The following ZNF146 variants were observed in gnomAD, a reference collection of about 807,000 sequenced individuals.
The protein encoded by ZNF146 is zinc finger protein 146, also known as zinc finger protein OZF.
A neutral mutation model predicts 22.2 loss-of-function variants in ZNF146; 9 were observed. The ratio of observed to expected loss-of-function variants is 0.41; its 90% CI spans 0.24 to 0.71. ZNF146 has a LOEUF of 0.71. ZNF146 is among the 30% of genes least tolerant of loss of function. The pLI, the probability that ZNF146 is intolerant of heterozygous loss-of-function variation, is 0.34. For synonymous variants in ZNF146, 108 were observed against 119.2 expected (o/e 0.91, Z 0.61); for missense variants, 194 against 344.8 (o/e 0.56, Z 3.46).
chr19:36,221,787 T>C (rs1427926803), intron 2 of ZNF146, among the ~76,000 whole-genome samples: 5 of 152,106 alleles, frequency 3.3e-5, no homozygotes, highest in African/African-American at 4.8e-5. Flanking sequence ...TTTTGTTTTT[T>C]GTTCTGTCAC....
At chr19:36,225,984 G>T (rs868669453) in intron 2 of ZNF146, among the ~76,000 whole-genome samples, 13 of 151,838 alleles carry the variant, frequency 8.6e-5, no homozygotes, top group African/African-American at 3.1e-4. Context: ...GCCTAGGCTG[G>T]TCTTGAACTT....
At chr19:36,217,305 G>A (rs187121109) in intron 1 of ZNF146, among the ~76,000 whole-genome samples, 30 of 151,364 alleles carry the variant, frequency 2.0e-4, no homozygotes, top group African/African-American at 6.8e-4. Context: ...TCAAGTGATC[G>A]GCCCGCCTCG....
At chr19:36,226,396 TG>T (rs970722430) in intron 2 of ZNF146, among the ~76,000 whole-genome samples, 1 of 152,160 alleles carries the variant, frequency 6.6e-6, no homozygotes, top group African/African-American at 2.4e-5. Context: ...ACATAGTGGA[TG>T]GGGGGTATAT....
intron 3 of ZNF146, among the ~76,000 whole-genome samples, chr19:36,231,160 C>G (rs1365427923): frequency 6.6e-6 from 1 of 152,044 alleles, no homozygotes; most frequent in African/African-American, 2.4e-5. Flanking sequence ...GCCAGGAGTT[C>G]GAGACCAGCC....
chr19:36,232,542 T>C (rs1977427244), intron 3 of ZNF146, among the ~76,000 whole-genome samples: 1 of 152,074 alleles, frequency 6.6e-6, no homozygotes, highest in South Asian at 2.1e-4. Flanking sequence ...TGAGAACGCA[T>C]GAGTTGCTGT....
intron 1 of ZNF146, among the ~76,000 whole-genome samples, chr19:36,215,829 G>A (rs1234109063): frequency 6.6e-6 from 1 of 152,256 alleles, no homozygotes; most frequent in African/African-American, 2.4e-5. Flanking sequence ...ACGGCGCCCA[G>A]GATGAGGGAG....
At chr19:36,222,738 A>G (rs1421357367) in intron 2 of ZNF146, among the ~76,000 whole-genome samples, 2 of 141,354 alleles carry the variant, frequency 1.4e-5, no homozygotes, top group African/African-American at 5.2e-5. Context: ...GGAGCTGTTT[A>G]TAAATTAGAA....
At chr19:36,228,992 T>A (rs1977200911) in intron 3 of ZNF146, among the ~76,000 whole-genome samples, 173 bp downstream of exon 3, 1 of 152,200 alleles carries the variant, frequency 6.6e-6, no homozygotes, top group Non-Finnish European at 1.5e-5. Flanking sequence ...ATTATTCTTC[T>A]TCTTTCACCA....
chr19:36,232,539 G>A (rs759498499), intron 3 of ZNF146, among the ~76,000 whole-genome samples: 2 of 151,648 alleles, frequency 1.3e-5, no homozygotes, highest in Non-Finnish European at 2.9e-5. Context: ...GTTTGAGAAC[G>A]CATGAGTTGC....
chr19:36,225,759 T>TC, intron 2 of ZNF146, among the ~76,000 whole-genome samples: 1 of 142,458 alleles, frequency 7.0e-6, no homozygotes, highest in African/African-American at 2.6e-5. Context: ...ATTCTTTTTT[T>TC]TTTTTTTTTT....
chr19:36,225,627 A>AT (rs924093366), intron 2 of ZNF146, among the ~76,000 whole-genome samples: 33 of 137,960 alleles, frequency 2.4e-4, no homozygotes, highest in African/African-American at 6.0e-4. Context: ...GTTTTTTTGT[A>AT]TTTTTTTTTA....
chr19:36,223,207 A>G (rs1976927245), intron 2 of ZNF146, among the ~76,000 whole-genome samples: 1 of 151,910 alleles, frequency 6.6e-6, no homozygotes, highest in Admixed American at 6.6e-5. Context: ...ACTTGAGGTC[A>G]GGAGTTTGAG....
At chr19:36,215,102 C>T (rs1375300766), upstream of ZNF146, 3 of 152,390 alleles carry the variant, frequency 2.0e-5, no homozygotes, top group South Asian at 2.1e-4. Flanking sequence ...CTTCCTCGCT[C>T]TCCGAGTGCG....
intron 2 of ZNF146, among the ~76,000 whole-genome samples, chr19:36,218,632 ATTTT>A (rs1976712276): frequency 6.6e-6 from 1 of 151,198 alleles, no homozygotes; most frequent in African/African-American, 2.4e-5. Context: ...CGCCTGGCTA[ATTTT>A]GTTTTTGTAT....
intron 3 of ZNF146, among the ~76,000 whole-genome samples, chr19:36,230,692 G>C (rs1685764312): frequency 6.6e-6 from 1 of 152,126 alleles, no homozygotes; most frequent in Non-Finnish European, 1.5e-5. Flanking sequence ...GGAAGAGAGA[G>C]GGCAAAAGGG....
intron 3 of ZNF146, among the ~76,000 whole-genome samples, chr19:36,235,076 G>T (rs1041849629): frequency 6.6e-6 from 1 of 151,726 alleles, no homozygotes; most frequent in African/African-American, 2.4e-5. Context: ...AGGTATGGTG[G>T]TGCACACCTG....
At position 36,238,359 on chromosome 19, in the gene ZNF146, T is replaced by C. The variant is rs1046071204; in HGVS notation, c.*1040T>C. The C allele has an allele frequency of 1.2e-5, 2 of 167,106 alleles. No homozygotes were observed. The highest frequency in any genetic ancestry group is 2.4e-5 in the African/African-American group (1 of 41,458). The allele number at this position is 167,106 out of a possible 1,614,324, so 10.4% of individuals were successfully genotyped here. ...GATTGGAAGGATACAGACCAAACTC[T>C]TGATAGTGGTCACCTGTGAAGAGTG... On this transcript the variant is annotated 3_prime_UTR_variant, in exon 4 of 4. Transcript: ENST00000443387.
chr19:36,229,236 C>T (rs568516482), intron 3 of ZNF146, among the ~76,000 whole-genome samples: 2 of 152,306 alleles, frequency 1.3e-5, no homozygotes, highest in African/African-American at 4.8e-5. Context: ...TTATATTTTA[C>T]ACCTGTTCTC....
chr19:36,219,452 G>A (rs1599958038), intron 2 of ZNF146, among the ~76,000 whole-genome samples: 1 of 152,126 alleles, frequency 6.6e-6, no homozygotes, highest in East Asian at 1.9e-4. Context: ...TGGAAGATTT[G>A]TTCTTTGATT....
Sources: gnomAD v4.1 joint callset for allele counts (sites outside exome capture counted in the v4.1 genomes callset) on GRCh38, gnomAD v4.1.1 for gene constraint, MANE v1.5 for transcripts, NCBI Gene and HGNC (gene_info 2026-07-23, HGNC 2026-07-21) for gene names.